The following SMARCA2 variants were observed in gnomAD, a reference collection of about 807,000 sequenced individuals.
SMARCA2 encodes SWI/SNF related BAF chromatin remodeling complex subunit ATPase 2.
In SMARCA2, 61 loss-of-function variants were observed where a neutral mutation model predicts 199.8. The ratio of observed to expected loss-of-function variants is 0.31; its 90% CI spans 0.25 to 0.38. The LOEUF (loss-of-function observed/expected upper bound fraction) is 0.38. Among genes scored for constraint, SMARCA2 ranks in the 10% least tolerant of loss-of-function variants. The probability of loss-of-function intolerance (pLI) is 1.00; values close to 1 mark genes in which losing one functional copy is unlikely to be tolerated. For synonymous variants in SMARCA2, 935 were observed against 732.0 expected (o/e 1.28, Z -4.48); for missense variants, 1,344 against 2,012.2 (o/e 0.67, Z 6.35).
At chr9:2,188,185 T>TAATATGTATAATATATA (rs1827622338) in intron 32 of SMARCA2, among the ~76,000 whole-genome samples, 1 of 152,110 alleles carries the variant, frequency 6.6e-6, no homozygotes, top group African/African-American at 2.4e-5. Flanking sequence ...CAACATATAT[T>TAATATGTATAATATATA]AATATGTATA....
rs1476775820 is a variant in SMARCA2 at position 2,186,279 on chromosome 9, T to G, written c.4594+51T>G. On this transcript the variant is annotated intron_variant, in intron 32 of 33. Transcript: ENST00000349721. The stretch of plus-strand genomic sequence containing the variant: ...ACATCTTTGCCCCTCCTCACCTGCA[T>G]AGCTGTCTCCACAGATGTTCACAGA... 5 of 1,559,832 alleles carry G rather than the reference T, an allele frequency of 3.2e-6. No homozygotes were observed. In the African/African-American group the frequency reaches 6.8e-5, roughly 21 times the overall value.
chr9:2,149,765 C>A (rs1328219227), intron 27 of SMARCA2, among the ~76,000 whole-genome samples: 1 of 151,544 alleles, frequency 6.6e-6, no homozygotes, highest in Non-Finnish European at 1.5e-5. Flanking sequence ...TTTAGAGATT[C>A]ATTTTAAAGT....
chr9:2,065,890 G>C (rs1337684758), intron 9 of SMARCA2, among the ~76,000 whole-genome samples: 2 of 152,146 alleles, frequency 1.3e-5, no homozygotes, highest in Admixed American at 1.3e-4. Context: ...TGTCAAAATG[G>C]GGGAGACCAG....
At chr9:2,045,035 T>C (rs566112842) in intron 4 of SMARCA2, 1 of 152,204 alleles carries the variant, frequency 6.6e-6, no homozygotes, top group South Asian at 2.1e-4. Flanking sequence ...CCTCAAGGAG[T>C]CTTCATAATC....
chr9:2,185,166 C>T (rs764688421), intron 31 of SMARCA2, among the ~76,000 whole-genome samples: 8 of 152,138 alleles, frequency 5.3e-5, no homozygotes, highest in South Asian at 4.1e-4. Flanking sequence ...TGCGTGCCTA[C>T]GAACAACTAA....
At chr9:2,078,720 C>T (rs1466666680) in intron 14 of SMARCA2, among the ~76,000 whole-genome samples, 3 of 151,776 alleles carry the variant, frequency 2.0e-5, no homozygotes, top group Non-Finnish European at 4.4e-5. Context: ...TGATGTGGGC[C>T]GATCACAAGG....
intron 32 of SMARCA2, among the ~76,000 whole-genome samples, chr9:2,188,238 G>A (rs550053439): frequency 1.1e-4 from 17 of 152,098 alleles, no homozygotes; most frequent in East Asian, 9.7e-4. Flanking sequence ...GTACTGTAAC[G>A]TGTTAATTAT....
chr9:2,031,786 C>T (rs1310539143), intron 2 of SMARCA2, among the ~76,000 whole-genome samples: 2 of 152,202 alleles, frequency 1.3e-5, no homozygotes, highest in Non-Finnish European at 2.9e-5. Context: ...TTAGAGCTCA[C>T]ACCTGCTGAC....
intron 14 of SMARCA2, among the ~76,000 whole-genome samples, chr9:2,080,776 T>C (rs1391712742): frequency 6.6e-6 from 1 of 152,142 alleles, no homozygotes; most frequent in Non-Finnish European, 1.5e-5. Context: ...CTAAGAAAAA[T>C]TCTTGTCAAT....
chr9:2,065,920 G>C (rs375471975), intron 9 of SMARCA2, among the ~76,000 whole-genome samples: 9 of 152,200 alleles, frequency 5.9e-5, no homozygotes, highest in East Asian at 5.8e-4. Context: ...GAAAAGTCCT[G>C]TTTAACTGGA....
At position 2,032,956 on chromosome 9, in the gene SMARCA2, T is replaced by C; in HGVS notation, c.230T>C (p.Ile77Thr). The change falls in exon 3 of 34, where the codon ATC becomes ACC. Residue 77 changes from isoleucine (I) to threonine (T), a missense_variant. Coordinates refer to ENST00000349721, the MANE Select transcript of SMARCA2 (RefSeq NM_003070.5). ...AATGTCCTTTAAATGTTTCAGCCCATCGATGGTATACATGACAAGGGGATT... is the reference window on the plus strand; with the variant it reads ...AATGTCCTTTAAATGTTTCAGCCCACCGATGGTATACATGACAAGGGGATT... Reference protein sequence around the residue: ...QEGMHQMHKPIDGIHDKGIVE... With the variant: ...QEGMHQMHKPTDGIHDKGIVE... 2 of 1,613,844 alleles carry C rather than the reference T, an allele frequency of 1.2e-6. No individual in the cohort carries two copies. The highest frequency in any genetic ancestry group is 1.1e-5 in the South Asian group (1 of 91,070).
At chr9:2,098,668 G>T (rs1283526219) in intron 21 of SMARCA2, among the ~76,000 whole-genome samples, 3 of 152,164 alleles carry the variant, frequency 2.0e-5, no homozygotes, top group Admixed American at 6.5e-5. Context: ...TCATGGCTGG[G>T]TGCAGGGGGC....
chr9:2,121,468 T>G (rs1369296452), intron 26 of SMARCA2, among the ~76,000 whole-genome samples: 1 of 152,246 alleles, frequency 6.6e-6, no homozygotes, highest in Non-Finnish European at 1.5e-5. Flanking sequence ...CAATTCACTA[T>G]TCCTTAGCAC....
chr9:2,070,877 G>T (rs1821059572), intron 10 of SMARCA2, among the ~76,000 whole-genome samples: 1 of 152,182 alleles, frequency 6.6e-6, no homozygotes, highest in South Asian at 2.1e-4. Flanking sequence ...ATAAACTAAA[G>T]AAGTCACATA....
intron 27 of SMARCA2, among the ~76,000 whole-genome samples, chr9:2,158,047 A>C (rs998968759): frequency 6.6e-6 from 1 of 151,926 alleles, no homozygotes; most frequent in African/African-American, 2.4e-5. Context: ...CGCCGCTTTC[A>C]TAAGAACTAA....
At chr9:2,080,129 C>G (rs1821503235) in intron 14 of SMARCA2, 1 of 152,224 alleles carries the variant, frequency 6.6e-6, no homozygotes, top group Admixed American at 6.5e-5. Flanking sequence ...AGTTGTGGCT[C>G]AAAGCCTTCC....
intron 32 of SMARCA2, among the ~76,000 whole-genome samples, chr9:2,190,644 TAC>T (rs1291383810): frequency 6.7e-6 from 1 of 148,372 alleles, no homozygotes; most frequent in Non-Finnish European, 1.5e-5. Context: ...CACACACACA[TAC>T]ACACAGAGAG....
chr9:2,088,356 G>T lies in SMARCA2; in HGVS notation c.2770-144G>T, dbSNP rs1002020928. The T allele has an allele frequency of 1.4e-5, 12 of 829,728 alleles. No homozygotes were observed. The South Asian group carries it at 3.1e-4, about 21-fold the overall frequency. 51.4% of individuals were successfully genotyped at this position (829,728 alleles called of 1,614,324 possible). A position where few individuals can be genotyped will look rare whatever the true frequency, so the allele number is the denominator to read the frequency against. Reference sequence around the variant, plus strand: ...TAGGCAGGTGGGAAGATAATTCAGAGGTAGATATGACAGGCTTAAACTTGG... The same window carrying T: ...TAGGCAGGTGGGAAGATAATTCAGATGTAGATATGACAGGCTTAAACTTGG... On this transcript the variant is annotated intron_variant, in intron 18 of 33. Transcript: ENST00000349721.
intron 19 of SMARCA2, 44 bp from the exon 20 acceptor site, chr9:2,096,613 T>G (rs963025551): frequency 7.1e-6 from 9 of 1,276,152 alleles, no homozygotes; most frequent in Non-Finnish European, 1.0e-5. Context: ...AACAGGCGCC[T>G]TCTCCTTCCT....
Sources: allele counts gnomAD v4.1 joint callset (sites outside exome capture counted in the v4.1 genomes callset), GRCh38; gene constraint gnomAD v4.1.1; transcripts MANE v1.5; gene names NCBI Gene and HGNC (gene_info 2026-07-23, HGNC 2026-07-21).